The following KLHL1 variants were observed in gnomAD, a reference collection of about 807,000 sequenced individuals.
KLHL1 encodes the protein kelch like family member 1.
KLHL1 carries 47 observed loss-of-function variants against 77.7 expected under a neutral mutation model. That is an observed-to-expected ratio of 0.60 (90% CI 0.48 to 0.77). The LOEUF (loss-of-function observed/expected upper bound fraction) is 0.77, where lower values mean the gene tolerates loss of function less well. Among genes scored for constraint, KLHL1 ranks in the 30% least tolerant of loss-of-function variants. KLHL1 has a pLI of 0.00. For synonymous variants in KLHL1, 360 were observed against 325.2 expected (o/e 1.11, Z -1.15); for missense variants, 925 against 910.8 (o/e 1.02, Z -0.20).
intron 7 of KLHL1, among the ~76,000 whole-genome samples, chr13:69,755,552 T>C (rs909631362): frequency 6.6e-6 from 1 of 152,144 alleles, no homozygotes; most frequent in African/African-American, 2.4e-5. Flanking sequence ...TTTATATTTG[T>C]TATATATTTC....
chr13:69,788,528 G>A (rs2138021347), intron 7 of KLHL1, among the ~76,000 whole-genome samples: 1 of 152,180 alleles, frequency 6.6e-6, no homozygotes, highest in Non-Finnish European at 1.5e-5. Flanking sequence ...AGGGGAGGTG[G>A]GAGGGATAGC....
intron 1 of KLHL1, among the ~76,000 whole-genome samples, chr13:70,086,960 G>A (rs1021954905): frequency 6.6e-6 from 1 of 152,108 alleles, no homozygotes. Flanking sequence ...TATGGGTCAG[G>A]GGGGAATGGC....
intron 1 of KLHL1, among the ~76,000 whole-genome samples, chr13:70,098,073 C>T (rs1487583808): frequency 6.6e-6 from 1 of 151,802 alleles, no homozygotes; most frequent in Admixed American, 6.6e-5. Flanking sequence ...TTGTCACATG[C>T]TGCAAGCATT....
intron 2 of KLHL1, among the ~76,000 whole-genome samples, chr13:69,969,204 A>C (rs931047053): frequency 6.6e-6 from 1 of 152,162 alleles, no homozygotes; most frequent in African/African-American, 2.4e-5. Context: ...TAATTCATGC[A>C]TTTAAGAAAT....
intron 4 of KLHL1, among the ~76,000 whole-genome samples, chr13:69,920,076 T>A (rs1882582864): frequency 6.6e-6 from 1 of 151,286 alleles, no homozygotes; most frequent in Non-Finnish European, 1.5e-5. Flanking sequence ...CTGTTTTTTC[T>A]TTGGAAAACA....
chr13:69,729,979 A>G (rs774296762), intron 8 of KLHL1, among the ~76,000 whole-genome samples: 21 of 152,308 alleles, frequency 1.4e-4, no homozygotes, highest in Non-Finnish European at 2.6e-4. Context: ...TGACCAAAAA[A>G]TACAAGTACA....
chr13:69,772,479 A>T (rs1875619452), intron 7 of KLHL1, among the ~76,000 whole-genome samples: 1 of 152,090 alleles, frequency 6.6e-6, no homozygotes, highest in Admixed American at 6.6e-5. Flanking sequence ...GTCACACCTC[A>T]AATCACACCT....
chr13:69,862,002 A>C (rs1055980283), intron 5 of KLHL1, among the ~76,000 whole-genome samples: 16 of 149,908 alleles, frequency 1.1e-4, no homozygotes, highest in Middle Eastern at 3.4e-3. Context: ...AAATAAAATA[A>C]AATAAAATAA....
chr13:69,844,137 G>A (rs1439741762), intron 5 of KLHL1, among the ~76,000 whole-genome samples: 3 of 150,960 alleles, frequency 2.0e-5, no homozygotes, highest in Non-Finnish European at 3.0e-5. Flanking sequence ...TATGTGCCTA[G>A]GTTTATAATA....
At chr13:70,076,853 A>G (rs1887279397) in intron 1 of KLHL1, among the ~76,000 whole-genome samples, 1 of 152,008 alleles carries the variant, frequency 6.6e-6, no homozygotes, top group African/African-American at 2.4e-5. Context: ...TTCAGCAAGT[A>G]GGGTATACAC....
intron 10 of KLHL1, among the ~76,000 whole-genome samples, chr13:69,703,531 A>C (rs942866482): frequency 1.3e-5 from 2 of 151,544 alleles, no homozygotes; most frequent in Admixed American, 1.3e-4. Context: ...GTGTAGCCTA[A>C]GTGTAGAGAG....
At chr13:69,714,274 G>A (rs1251752245) in intron 9 of KLHL1, among the ~76,000 whole-genome samples, 1 of 152,062 alleles carries the variant, frequency 6.6e-6, no homozygotes, top group Non-Finnish European at 1.5e-5. Flanking sequence ...ATTTTTCAAG[G>A]TTGAGGAGAG....
In KLHL1 at chr13:69,813,240, C is replaced by T. The variant is rs556305113; in HGVS notation, c.1415-16278G>A. 8.6e-5 allele frequency among the ~76,000 whole-genome samples: 13 copies of T among 151,712 alleles called. No homozygotes were observed. In the South Asian group the frequency reaches 1.5e-3, roughly 17 times the overall value. ...ATCGCAAGGACAAAAAAACAAACACCGCATGTTCTCACTCATAGGTGGGAA... is the reference window on the plus strand; with the variant it reads ...ATCGCAAGGACAAAAAAACAAACACTGCATGTTCTCACTCATAGGTGGGAA... On this transcript the variant is annotated intron_variant, in intron 6 of 10. Coordinates refer to ENST00000377844, the MANE Select transcript of KLHL1 (RefSeq NM_020866.3).
At chr13:69,821,400 C>T (rs1473193795) in intron 6 of KLHL1, among the ~76,000 whole-genome samples, 1 of 152,076 alleles carries the variant, frequency 6.6e-6, no homozygotes, top group Non-Finnish European at 1.5e-5. Context: ...CTACAACCTC[C>T]ACCTCCCAGG....
At chr13:69,832,416 T>C (rs1482495694) in intron 6 of KLHL1, among the ~76,000 whole-genome samples, 1 of 149,746 alleles carries the variant, frequency 6.7e-6, no homozygotes, top group African/African-American at 2.5e-5. Flanking sequence ...AGACTCTGCA[T>C]GGAAAACTAC....
intron 9 of KLHL1, among the ~76,000 whole-genome samples, chr13:69,718,520 T>C (rs1448920278): frequency 6.6e-6 from 1 of 152,068 alleles, no homozygotes; most frequent in Non-Finnish European, 1.5e-5. Context: ...AAGTTATTTG[T>C]TAGAGTAGAG....
rs1163478098 is a variant in KLHL1, at chr13:69,839,079, A to G, written c.1311T>C (p.His437=). ...QKLILEAMKY[H]LLPERRTLMQ... ...TTAAAGTTCTTCTTTCTGGCAATAG[A>G]TGGTATTTCATTGCTTCTAGAATCA... The change falls in exon 6 of 11, where the codon CAT becomes CAC. Residue 437 remains histidine, a synonymous_variant. Coordinates refer to ENST00000377844, the MANE Select transcript of KLHL1 (RefSeq NM_020866.3). The G allele has an allele frequency of 6.2e-7, 1 of 1,610,342 alleles. No homozygotes were observed.
chr13:69,721,153 T>C (rs558797905), intron 8 of KLHL1, among the ~76,000 whole-genome samples: 2 of 120,432 alleles, frequency 1.7e-5, no homozygotes, highest in African/African-American at 6.1e-5. Context: ...GTCATCCCTC[T>C]GCTCACGGAG....
chr13:70,094,393 T>TTATACATATATATATATATATA (rs1555296828), intron 1 of KLHL1, among the ~76,000 whole-genome samples: 1 of 137,146 alleles, frequency 7.3e-6, no homozygotes, highest in African/African-American at 3.2e-5. Context: ...GCAATCATCT[T>TTATACATATATATATATATATA]TATATATATA....
Sources: allele counts gnomAD v4.1 joint callset (sites outside exome capture counted in the v4.1 genomes callset), GRCh38; gene constraint gnomAD v4.1.1; transcripts MANE v1.5; gene names NCBI Gene and HGNC (gene_info 2026-07-23, HGNC 2026-07-21).